Variants in ETS1 observed in about 807,000 individuals in gnomAD.
The protein encoded by ETS1 is ETS proto-oncogene 1, transcription factor.
In ETS1, 15 loss-of-function variants were observed where a neutral mutation model predicts 58.6. The ratio of observed to expected loss-of-function variants is 0.26; its 90% CI spans 0.17 to 0.39. The LOEUF is 0.39. Among genes scored for constraint, ETS1 ranks in the 10% least tolerant of loss-of-function variants. The pLI, the probability that ETS1 is intolerant of heterozygous loss-of-function variation, is 1.00. For missense variants in ETS1, 417 were observed against 610.5 expected (o/e 0.68, Z 3.34); for synonymous variants, 214 against 218.2 (o/e 0.98, Z 0.17).
At chr11:128,585,440 G>C (rs1300652224) in intron 1 of ETS1, among the ~76,000 whole-genome samples, 2 of 152,128 alleles carry the variant, frequency 1.3e-5, no homozygotes, top group Non-Finnish European at 2.9e-5. Flanking sequence ...CTGGTAATTA[G>C]AAAATGATAG....
intron 3 of ETS1, among the ~76,000 whole-genome samples, chr11:128,538,971 T>C (rs955308325): frequency 1.3e-5 from 2 of 152,250 alleles, no homozygotes; most frequent in African/African-American, 4.8e-5. Flanking sequence ...AAGAATACTC[T>C]TTTAACAAAT....
chr11:128,522,065 G>T, intron 3 of ETS1: 8 of 1,455,556 alleles, frequency 5.5e-6, no homozygotes, highest in Non-Finnish European at 6.4e-6. Context: ...TTTTAATGAG[G>T]ATTAGTAACA....
Position 128,549,758 on chromosome 11 carries a change from C to A in ETS1, c.214+6533G>T, listed in dbSNP as rs1192183418. On this transcript the variant is annotated intron_variant, in intron 3 of 9. Transcript: ENST00000392668. The surrounding 1 kb of genome is among the most constrained non-coding windows in gnomAD (Gnocchi z 4.3). ...CTTTCCAAGCCCTCCTTCCTCGGGG[C>A]TGTTGGGGTCACTCCTGAGAGCATG... Among the ~76,000 whole-genome samples the A allele has an allele frequency of 6.6e-6, 1 of 152,154 alleles. No individual in the cohort carries two copies. Among genetic ancestry groups the A allele is most frequent in the Non-Finnish European group, 1.5e-5 (1 of 68,038 alleles).
chr11:128,537,367 C>T (rs1279857305), intron 3 of ETS1, among the ~76,000 whole-genome samples: 1 of 152,148 alleles, frequency 6.6e-6, no homozygotes, highest in Non-Finnish European at 1.5e-5. Context: ...TATTAATCCA[C>T]TAATTCCTAC....
intron 3 of ETS1, among the ~76,000 whole-genome samples, chr11:128,493,079 A>G (rs1263846726): frequency 2.0e-5 from 3 of 152,216 alleles, no homozygotes; most frequent in African/African-American, 7.2e-5. Context: ...GAAATTGGCC[A>G]GGACAACACA....
intron 3 of ETS1, among the ~76,000 whole-genome samples, chr11:128,508,879 C>T (rs921040245): frequency 1.3e-5 from 2 of 152,158 alleles, no homozygotes; most frequent in African/African-American, 4.8e-5. Flanking sequence ...CTTGTTTGCC[C>T]ATAAAAACAC....
At chr11:128,587,276 C>G (rs1865050320) in intron 1 of ETS1, among the ~76,000 whole-genome samples, 1 of 151,576 alleles carries the variant, frequency 6.6e-6, no homozygotes, top group Non-Finnish European at 1.5e-5. Flanking sequence ...AAAACATAGT[C>G]TTGCTTTCAG....
chr11:128,582,616 G>C (rs1376548127), intron 1 of ETS1, among the ~76,000 whole-genome samples: 1 of 152,118 alleles, frequency 6.6e-6, no homozygotes, highest in Non-Finnish European at 1.5e-5. Flanking sequence ...TTGTATTCAA[G>C]TCATGAAAAC....
chr11:128,530,381 G>T (rs1254728562), intron 3 of ETS1: 1 of 152,228 alleles, frequency 6.6e-6, no homozygotes, highest in African/African-American at 2.4e-5. Flanking sequence ...GAAAAGAAGA[G>T]AAGCAAAATG....
intron 8 of ETS1, among the ~76,000 whole-genome samples, chr11:128,471,557 G>A (rs1391733731): frequency 6.6e-6 from 1 of 152,214 alleles, no homozygotes; most frequent in Non-Finnish European, 1.5e-5. Context: ...CTTGGACAGT[G>A]AGCCAGTGAA....
chr11:128,512,707 C>T (rs1442755035), intron 3 of ETS1, among the ~76,000 whole-genome samples: 1 of 152,270 alleles, frequency 6.6e-6, no homozygotes, highest in African/African-American at 2.4e-5. Flanking sequence ...CCTGGCCTTT[C>T]CCTCTGTGCA....
intron 1 of ETS1, among the ~76,000 whole-genome samples, chr11:128,579,762 G>C (rs2135592470): frequency 6.6e-6 from 1 of 151,794 alleles, no homozygotes; most frequent in South Asian, 2.1e-4. Context: ...GCAACACCTG[G>C]GCTACCAAGG....
intron 3 of ETS1, among the ~76,000 whole-genome samples, chr11:128,495,434 C>G (rs1862913408): frequency 6.6e-6 from 1 of 152,142 alleles, no homozygotes; most frequent in Admixed American, 6.5e-5. Context: ...AATTAAGAGC[C>G]ATTTACAGAA....
At chr11:128,555,649 G>T (rs561009234) in intron 3 of ETS1, among the ~76,000 whole-genome samples, 111 of 152,236 alleles carry the variant, frequency 7.3e-4, no homozygotes, top group Non-Finnish European at 1.2e-3. Context: ...ACACTAGCTG[G>T]TAAACCAAGA....
intron 3 of ETS1, among the ~76,000 whole-genome samples, chr11:128,493,023 C>A (rs906469200): frequency 6.6e-6 from 1 of 152,124 alleles, no homozygotes; most frequent in African/African-American, 2.4e-5. Context: ...GTGTTTGTTC[C>A]CTCCATTAGA....
At chr11:128,489,695 A>G (rs1207666695) in intron 4 of ETS1, among the ~76,000 whole-genome samples, 1 of 152,072 alleles carries the variant, frequency 6.6e-6, no homozygotes, top group Non-Finnish European at 1.5e-5. Context: ...TCTCTATTTC[A>G]CCAGCTAGGA....
rs1861973739 is a variant in ETS1, at chr11:128,464,215, C to T, written c.1124-588G>A. 6.6e-6 allele frequency among the ~76,000 whole-genome samples: 1 copy of T among 150,516 alleles called. No individual in the cohort carries two copies. The highest frequency in any genetic ancestry group is 6.6e-5 in the Admixed American group (1 of 15,096). ...CTGCCACCACCCTGCCCTTCCAGTC[C>T]ACTTACAGGAAAGCACCCAAAGGAA... On this transcript the variant is annotated intron_variant, in intron 8 of 9. Transcript: ENST00000392668. The surrounding 1 kb of genome is among the most constrained non-coding windows in gnomAD (Gnocchi z 4.1).
intron 2 of ETS1, chr11:128,571,989 A>G (rs1157918916): frequency 1.3e-5 from 2 of 152,078 alleles, no homozygotes; most frequent in Non-Finnish European, 2.9e-5. Context: ...GGTTGCAGTG[A>G]GCAGAGATCA....
In ETS1 at chr11:128,522,399, C is replaced by G. The variant is rs972584494; in HGVS notation, c.215-31823G>C. The G allele has an allele frequency of 4.1e-6, 4 of 968,220 alleles. No homozygotes were observed. In the African/African-American group the frequency reaches 5.3e-5, roughly 13 times the overall value. The allele number at this position is 968,220 out of a possible 1,614,324, so 60.0% of individuals were successfully genotyped here. On this transcript the variant is annotated intron_variant, in intron 3 of 9. Transcript: ENST00000392668. The stretch of plus-strand genomic sequence containing the variant: ...GGCGCCGCGTCTCGGCCGCTGGGTC[C>G]GCGCGCCCTGGGCCGGGCGATGTCC...
Sources: allele counts gnomAD v4.1 joint callset (sites outside exome capture counted in the v4.1 genomes callset), GRCh38; gene constraint gnomAD v4.1.1; non-coding constraint Gnocchi (gnomAD v3.1); transcripts MANE v1.5; gene names NCBI Gene and HGNC (gene_info 2026-07-23, HGNC 2026-07-21).